CELF2: variants seen among roughly 807,000 people sequenced by gnomAD.
The protein encoded by CELF2 is CUG triplet repeat RNA-binding protein 2.
CELF2 carries 8 observed loss-of-function variants against 62.6 expected under a neutral mutation model. That is an observed-to-expected ratio of 0.13 (90% CI 0.07 to 0.23). The LOEUF is 0.23. CELF2 is among the 10% of genes least tolerant of loss of function. The pLI, the probability that CELF2 is intolerant of heterozygous loss-of-function variation, is 1.00. For synonymous variants in CELF2, 258 were observed against 250.0 expected (o/e 1.03, Z -0.30); for missense variants, 333 against 671.0 (o/e 0.50, Z 5.56).
chr10:10,673,313 T>G, the CELF2 span, among the ~76,000 whole-genome samples: 1 of 152,126 alleles, frequency 6.6e-6, no homozygotes, highest in Non-Finnish European at 1.5e-5. Flanking sequence ...TCCAGTACAA[T>G]GTTGAAAAGC....
chr10:10,878,121 T>C (rs761098662), intron 1 of CELF2, among the ~76,000 whole-genome samples: 1 of 152,176 alleles, frequency 6.6e-6, no homozygotes, highest in Non-Finnish European at 1.5e-5. Context: ...ATTTCCCAGC[T>C]AGACACAGAA....
At chr10:11,099,551 A>G (rs2050865721) in intron 1 of CELF2, among the ~76,000 whole-genome samples, 1 of 152,218 alleles carries the variant, frequency 6.6e-6, no homozygotes, top group South Asian at 2.1e-4. Context: ...GCTCATGAGC[A>G]TAGAATTCCC....
At chr10:10,852,471 G>C (rs1283222287) in intron 1 of CELF2, among the ~76,000 whole-genome samples, 1 of 152,192 alleles carries the variant, frequency 6.6e-6, no homozygotes, top group African/African-American at 2.4e-5. Flanking sequence ...AAGGTGTGTG[G>C]TTATAAAAGG....
chr10:10,937,121 C>CTTTTTTTTTTTTTTTT (rs373143426), intron 2 of CELF2, among the ~76,000 whole-genome samples: 6 of 90,534 alleles, frequency 6.6e-5, no homozygotes, highest in African/African-American at 1.5e-4. Flanking sequence ...TTTTTCTTTT[C>CTTTTTTTTTTTTTTTT]TTTTTTTTTT....
At chr10:10,949,375 G>C (rs143760711) in intron 2 of CELF2, among the ~76,000 whole-genome samples, 1 of 152,122 alleles carries the variant, frequency 6.6e-6, no homozygotes, top group African/African-American at 2.4e-5. Context: ...CAGACCTGGC[G>C]TCACCACTGT....
In CELF2 at chr10:11,332,160, A is replaced by G. The variant is rs915174503; in HGVS notation, c.*3107A>G. 6.7e-6 allele frequency: 1 copy of G among 148,266 alleles called. No homozygotes were observed. Among genetic ancestry groups the G allele is most frequent in the African/African-American group, 2.7e-5 (1 of 37,730 alleles). 9.2% of individuals were successfully genotyped at this position (148,266 alleles called of 1,614,324 possible). On this transcript the variant is annotated 3_prime_UTR_variant, in exon 13 of 13. Coordinates refer to ENST00000633077, the MANE Select transcript of CELF2 (RefSeq NM_001326342.2). Reference sequence around the variant, plus strand: ...CGAGTAATTGGATAAACCCTGAGGGAAAACGGAGGTAGATTCAGCACCTAA... The same window carrying G: ...CGAGTAATTGGATAAACCCTGAGGGGAAACGGAGGTAGATTCAGCACCTAA...
At chr10:11,175,597 G>A (rs746608655) in intron 2 of CELF2, among the ~76,000 whole-genome samples, 4 of 152,188 alleles carry the variant, frequency 2.6e-5, no homozygotes, top group Non-Finnish European at 4.4e-5. Flanking sequence ...AGGAGATGGT[G>A]GGGCAGCTCA....
intron 1 of CELF2, among the ~76,000 whole-genome samples, chr10:11,070,654 C>T (rs1031200489): frequency 6.6e-6 from 1 of 152,078 alleles, no homozygotes; most frequent in Non-Finnish European, 1.5e-5. Context: ...GTGAGAACAT[C>T]TAAGTCCCAG....
chr10:10,600,741 G>T, the CELF2 span, among the ~76,000 whole-genome samples: 4 of 152,214 alleles, frequency 2.6e-5, no homozygotes, highest in African/African-American at 9.6e-5. Flanking sequence ...CTTTTCCAAA[G>T]AATTTTATGT....
chr10:10,686,600 T>A, the CELF2 span, among the ~76,000 whole-genome samples: 1 of 152,042 alleles, frequency 6.6e-6, no homozygotes, highest in African/African-American at 2.4e-5. Flanking sequence ...AGTGAGTGAG[T>A]TCTCATGAGA....
the CELF2 span, among the ~76,000 whole-genome samples, chr10:10,628,418 C>T: frequency 3.9e-5 from 6 of 152,082 alleles, no homozygotes; most frequent in South Asian, 1.0e-3. Context: ...CTAGATCCTT[C>T]CTGTGTATGT....
intron 1 of CELF2, among the ~76,000 whole-genome samples, chr10:11,096,896 C>T (rs1346555133): frequency 1.3e-5 from 2 of 152,182 alleles, no homozygotes; most frequent in Non-Finnish European, 2.9e-5. Context: ...CTTAATCTGA[C>T]GAGGTCTGAC....
chr10:10,864,381 C>A (rs1418542423), intron 1 of CELF2, among the ~76,000 whole-genome samples: 1 of 152,146 alleles, frequency 6.6e-6, no homozygotes, highest in Non-Finnish European at 1.5e-5. Flanking sequence ...ATTTGCCACT[C>A]TTGACTGAGC....
the CELF2 span, among the ~76,000 whole-genome samples, chr10:10,648,405 T>C: frequency 1.1e-4 from 17 of 152,240 alleles, no homozygotes; most frequent in Non-Finnish European, 1.5e-5. Context: ...CCAGTCCATA[T>C]GCCAAACTCA....
intron 1 of CELF2, among the ~76,000 whole-genome samples, chr10:10,858,583 A>T (rs1158623159): frequency 6.6e-6 from 1 of 152,184 alleles, no homozygotes; most frequent in Non-Finnish European, 1.5e-5. Context: ...GTCAAAAAGT[A>T]CTTGAGCTAT....
In CELF2 at chr10:11,059,587, T is replaced by C. The variant is rs181857431; in HGVS notation, c.74+41424T>C. On this transcript the variant is annotated intron_variant, in intron 1 of 12. Coordinates refer to ENST00000633077, the MANE Select transcript of CELF2 (RefSeq NM_001326342.2). ...CTCTTGTTTCTGTGCCTCAAAGATA[T>C]AAACCTTGAAGGAGAAGGCTTGGAG... Among the ~76,000 whole-genome samples, 34 of 152,294 alleles carry C rather than the reference T, an allele frequency of 2.2e-4. 2 individuals are homozygous for C. In the East Asian group the frequency reaches 6.4e-3, roughly 28 times the overall value.
chr10:10,638,248 T>C, the CELF2 span, among the ~76,000 whole-genome samples: 1 of 152,248 alleles, frequency 6.6e-6, no homozygotes, highest in East Asian at 1.9e-4. Flanking sequence ...TTTTGGTTTC[T>C]GTATCCCAAG....
At chr10:11,253,507 G>A (rs1484021565) in intron 4 of CELF2, among the ~76,000 whole-genome samples, 1 of 152,214 alleles carries the variant, frequency 6.6e-6, no homozygotes, top group African/African-American at 2.4e-5. Flanking sequence ...ATTCAAAGTG[G>A]AGAGACTTAC....
At chr10:10,608,171 A>G in the CELF2 span, among the ~76,000 whole-genome samples, 2 of 152,086 alleles carry the variant, frequency 1.3e-5, no homozygotes, top group Non-Finnish European at 2.9e-5. Flanking sequence ...CCTTCTAAAT[A>G]TCAGTTGAAT....
Sources: gnomAD v4.1 joint callset for allele counts (sites outside exome capture counted in the v4.1 genomes callset) on GRCh38, gnomAD v4.1.1 for gene constraint, MANE v1.5 for transcripts, NCBI Gene and HGNC (gene_info 2026-07-23, HGNC 2026-07-21) for gene names.